Variants in KATNB1 observed in about 807,000 individuals in gnomAD.
KATNB1 encodes katanin p80 WD40 repeat-containing subunit B1.
A neutral mutation model predicts 82.3 loss-of-function variants in KATNB1; 38 were observed. The ratio of observed to expected loss-of-function variants is 0.46; its 90% confidence interval spans 0.36 to 0.61. The LOEUF (loss-of-function observed/expected upper bound fraction) is 0.61. Ranked by LOEUF, KATNB1 falls within the 20% of genes least tolerant of loss-of-function variation. KATNB1 has a pLI of 0.00. For missense variants in KATNB1, 749 were observed against 915.7 expected (o/e 0.82, Z 2.35); for synonymous variants, 361 against 368.7 (o/e 0.98, Z 0.24).
chr16:57,736,999 C>T lies in KATNB1; in HGVS notation c.-245C>T, dbSNP rs1470058371. ...GCAGCCCTGTATTGAGCTGAGATGG[C>T]TCGAGCCTAACATTCCATGATCCAG... On this transcript the variant is annotated 5_prime_UTR_variant, in exon 2 of 20. Coordinates refer to ENST00000379661, the MANE Select transcript of KATNB1 (RefSeq NM_005886.3). 2.9e-6 allele frequency: 2 copies of T among 696,190 alleles called. No individual in the cohort carries two copies. 43.1% of individuals were successfully genotyped at this position (696,190 alleles called of 1,614,324 possible).
intron 1 of KATNB1, chr16:57,736,246 A>G (rs998457176): frequency 1.3e-5 from 2 of 152,590 alleles, no homozygotes; most frequent in Non-Finnish European, 2.9e-5. Flanking sequence ...CAGGATGTGC[A>G]TAAGTGGGAG....
chr16:57,736,899 A>G (rs1336716124), intron 1 of KATNB1, 79 bp from the exon 2 acceptor site: 6 of 553,756 alleles, frequency 1.1e-5, no homozygotes, highest in Non-Finnish European at 1.0e-5. Context: ...GTCTTTATCA[A>G]GTGGTCTTGG....
intron 3 of KATNB1, 52 bp downstream of exon 3, chr16:57,741,869 G>GGGGACA: frequency 6.4e-7 from 1 of 1,569,164 alleles, no homozygotes; most frequent in African/African-American, 1.3e-5. Flanking sequence ...GGGAGGGGAC[G>GGGGACA]GGGACAGGGG....
chr16:57,755,301 G>A (rs782154820), intron 15 of KATNB1, 44 bp from the exon 16 acceptor site: 30 of 1,611,026 alleles, frequency 1.9e-5, no homozygotes, highest in Middle Eastern at 3.3e-4. Flanking sequence ...GAGCTTTGCT[G>A]CTGGCTCCTC....
chr16:57,752,941 T>G lies in KATNB1; in HGVS notation c.855+13T>G, dbSNP rs893865322. 1.2e-6 allele frequency: 2 copies of G among 1,601,046 alleles called. No homozygotes were observed. The highest frequency in any genetic ancestry group is 1.7e-6 in the Non-Finnish European group (2 of 1,179,306). ...CAATGACCAGTTGGTGAGAGAGCCA[T>G]GGCACCCACCGCCCCCCACTCCCAC... On this transcript the variant is annotated intron_variant, in intron 10 of 19. Transcript: ENST00000379661.
chr16:57,746,485 G>T (rs371769006), intron 4 of KATNB1, among the ~76,000 whole-genome samples: 6 of 152,204 alleles, frequency 3.9e-5, no homozygotes, highest in African/African-American at 9.6e-5. Flanking sequence ...GGTTTCATGC[G>T]GTTGTGGTCT....
chr16:57,741,694 C>A lies in KATNB1; in HGVS notation c.48C>A (p.Ile16=). Residue 16 remains isoleucine, a synonymous_variant, in exon 3 of 20, where the codon ATC becomes ATA. Transcript: ENST00000379661. ...VTKTAWKLQE[I]VAHASNVSSL... is the part of the protein sequence containing the mutation. ...CTCTCCTTCCCTGTGTAGAAGAGAT[C>A]GTCGCGCATGCCAGCAACGTGTCCT... The A allele has an allele frequency of 6.2e-7, 1 of 1,613,386 alleles. No individual in the cohort carries two copies. Among genetic ancestry groups the A allele is most frequent in the African/African-American group, 1.3e-5 (1 of 75,038 alleles).
At chr16:57,748,338 G>A (rs186680637) in intron 4 of KATNB1, among the ~76,000 whole-genome samples, 3 of 152,228 alleles carry the variant, frequency 2.0e-5, no homozygotes, top group Admixed American at 1.3e-4. Flanking sequence ...TCCAAAGAGA[G>A]CTGCTCTGCG....
In KATNB1 at chr16:57,756,302, C is replaced by T. The variant is rs2049278485; in HGVS notation, c.1719-54C>T. ...TCCTCCTTTGTTCCTTGCTGTTTCT[C>T]TTTCTGTCTGTGGCCCTTGGTCCAT... On this transcript the variant is annotated intron_variant, in intron 18 of 19. Coordinates refer to ENST00000379661, the MANE Select transcript of KATNB1 (RefSeq NM_005886.3). 5 of 1,497,056 alleles carry T rather than the reference C, an allele frequency of 3.3e-6. No homozygotes were observed. The South Asian group carries it at 4.6e-5, about 14-fold the overall frequency. 92.7% of individuals were successfully genotyped at this position (1,497,056 alleles called of 1,614,324 possible).
intron 3 of KATNB1, among the ~76,000 whole-genome samples, chr16:57,744,141 A>C (rs782667902): frequency 9.2e-5 from 14 of 152,230 alleles, no homozygotes; most frequent in Non-Finnish European, 1.9e-4. Flanking sequence ...CGCCCATGTC[A>C]GAAGCACAGC....
intron 16 of KATNB1, 136 bp from the exon 17 acceptor site, chr16:57,755,705 C>T: frequency 2.0e-6 from 2 of 982,458 alleles, no homozygotes; most frequent in Non-Finnish European, 3.0e-6. Context: ...GCCTTACACT[C>T]ATTGCGTTAG....
intron 13 of KATNB1, among the ~76,000 whole-genome samples, chr16:57,754,373 G>A (rs578133660): frequency 6.6e-6 from 1 of 152,316 alleles, no homozygotes; most frequent in South Asian, 2.1e-4. Context: ...AGGCCTGGGG[G>A]CCAGTGAGAA....
chr16:57,741,572 C>A, intron 2 of KATNB1, 115 bp from the exon 3 acceptor site: 2 of 1,128,728 alleles, frequency 1.8e-6, no homozygotes, highest in Non-Finnish European at 2.5e-6. Context: ...CTGAAGGAGG[C>A]AGATCCTTCC....
Position 57,756,035 on chromosome 16 carries a change from A to C in KATNB1, c.1687A>C (p.Ile563Leu), listed in dbSNP as rs201874902. 2 of 1,611,170 alleles carry C rather than the reference A, an allele frequency of 1.2e-6. No individual in the cohort carries two copies. The highest frequency in any genetic ancestry group is 8.5e-7 in the Non-Finnish European group (1 of 1,179,994). Reference protein sequence around the residue: ...LDLCTTVLPQIEKLLQSKYES... With the variant: ...LDLCTTVLPQLEKLLQSKYES... Reference sequence around the variant, plus strand: ...CCTGTGCACCACCGTCCTGCCACAGATTGAGAAGCTTCTGCAGAGCAAGTA... The same window carrying C: ...CCTGTGCACCACCGTCCTGCCACAGCTTGAGAAGCTTCTGCAGAGCAAGTA... Residue 563 changes from isoleucine to leucine, a missense_variant, in exon 18 of 20, where the codon ATT (isoleucine) becomes CTT (leucine). Physicochemically the swap from Ile to Leu is conservative, Grantham distance 5. Coordinates refer to ENST00000379661, the MANE Select transcript of KATNB1 (RefSeq NM_005886.3).
At chr16:57,739,968 C>A (rs1262711585) in intron 2 of KATNB1, among the ~76,000 whole-genome samples, 1 of 152,130 alleles carries the variant, frequency 6.6e-6, no homozygotes, top group Non-Finnish European at 1.5e-5. Context: ...CAGACAGAGC[C>A]CTCCAGGTAG....
intron 3 of KATNB1, among the ~76,000 whole-genome samples, chr16:57,742,361 G>A (rs967727299): frequency 1.3e-5 from 2 of 152,234 alleles, no homozygotes; most frequent in Admixed American, 6.5e-5. Flanking sequence ...TTCCAAATAG[G>A]AGTGCATAAA....
rs2049226289 is a variant in KATNB1 at position 57,751,371 on chromosome 16, C to A, written c.432+69C>A. On this transcript the variant is annotated intron_variant, in intron 6 of 19. Coordinates refer to ENST00000379661, the MANE Select transcript of KATNB1 (RefSeq NM_005886.3). This position sits in a 1 kb window ranked among gnomAD's most constrained non-coding sequence, Gnocchi z 6.3. ...CATTGAGTGTGGTGTGGTGCCCAGA[C>A]CCCAGCAGGGGGTGGAGGGGACGGC... is the stretch of plus-strand genomic sequence containing the variant. The A allele has an allele frequency of 3.4e-6, 5 of 1,456,172 alleles. No homozygotes were observed. Among genetic ancestry groups the A allele is most frequent in the African/African-American group, 1.4e-5 (1 of 71,654 alleles). The allele number at this position is 1,456,172 out of a possible 1,614,324, so 90.2% of individuals were successfully genotyped here. A position where few individuals can be genotyped will look rare whatever the true frequency, so the allele number is the denominator to read the frequency against.
Position 57,753,844 on chromosome 16 carries a change from G to C in KATNB1, c.1178-101G>C. 4 of 1,113,696 alleles carry C rather than the reference G, an allele frequency of 3.6e-6. 1 individual carries two copies. The Admixed American group carries it at 8.2e-5, about 23-fold the overall frequency. 69.0% of individuals were successfully genotyped at this position (1,113,696 alleles called of 1,614,324 possible). A position where few individuals can be genotyped will look rare whatever the true frequency, so the allele number is the denominator to read the frequency against. On this transcript the variant is annotated intron_variant, in intron 12 of 19. Coordinates refer to ENST00000379661, the MANE Select transcript of KATNB1 (RefSeq NM_005886.3). ...CAGGGTCCACAGTCTGCAGCCGCAT[G>C]CCTGGGAGCTACCCTCCGTCCCCCG...
At position 57,755,817 on chromosome 16, in the gene KATNB1, CCT is replaced by C. The variant is rs782458580; in HGVS notation, c.1567-23_1567-22del. 11 of 1,567,310 alleles carry C rather than the reference CCT, an allele frequency of 7.0e-6. No individual in the cohort carries two copies. The Admixed American group carries it at 8.7e-5, about 12-fold the overall frequency. On this transcript the variant is annotated intron_variant, in intron 16 of 19. Coordinates refer to ENST00000379661, the MANE Select transcript of KATNB1 (RefSeq NM_005886.3). ...CCACACTGTCCCCCACTGCCCCACC[CCT>C]GACGGTGCTCTGTTTGCACAGACGT...
Sources: gnomAD v4.1 joint callset for allele counts (sites outside exome capture counted in the v4.1 genomes callset) on GRCh38, gnomAD v4.1.1 for gene constraint, Gnocchi (gnomAD v3.1) non-coding constraint, MANE v1.5 for transcripts, NCBI Gene and HGNC (gene_info 2026-07-23, HGNC 2026-07-21) for gene names.